SCFD2: variants seen among roughly 807,000 people sequenced by gnomAD.
The protein encoded by SCFD2 is sec1 family domain-containing protein 2.
Under a neutral mutation model 58.9 loss-of-function variants are expected in SCFD2, and 54 were observed. The ratio of observed to expected loss-of-function variants is 0.92; its 90% CI spans 0.74 to 1.15. The LOEUF (loss-of-function observed/expected upper bound fraction) is 1.15, where lower values mean the gene tolerates loss of function less well. Among genes scored for constraint, SCFD2 ranks in the 50% most tolerant of loss-of-function variants. SCFD2 has a pLI of 0.00. For synonymous variants in SCFD2, 321 were observed against 335.9 expected (o/e 0.96, Z 0.49); for missense variants, 805 against 836.6 (o/e 0.96, Z 0.47).
At chr4:53,340,895 G>A (rs1468068473) in intron 2 of SCFD2, among the ~76,000 whole-genome samples, 2 of 152,198 alleles carry the variant, frequency 1.3e-5, no homozygotes, top group African/African-American at 4.8e-5. Flanking sequence ...CTGCAGCTGA[G>A]GGTCCTGACT....
chr4:53,046,379 A>G (rs1204900164), intron 5 of SCFD2, among the ~76,000 whole-genome samples: 2 of 151,952 alleles, frequency 1.3e-5, no homozygotes, highest in Non-Finnish European at 2.9e-5. Flanking sequence ...ACACTCAGCT[A>G]ATTTCTGTAC....
chr4:53,159,664 T>C (rs1426269406), intron 4 of SCFD2, among the ~76,000 whole-genome samples: 1 of 152,124 alleles, frequency 6.6e-6, no homozygotes, highest in Non-Finnish European at 1.5e-5. Flanking sequence ...AGTTAAAACC[T>C]CCAGCAGAGG....
At chr4:53,262,388 T>A (rs945362947) in intron 4 of SCFD2, among the ~76,000 whole-genome samples, 1 of 152,234 alleles carries the variant, frequency 6.6e-6, no homozygotes, top group Non-Finnish European at 1.5e-5. Context: ...TTTTGGTGTA[T>A]CACAAAAATT....
intron 3 of SCFD2, among the ~76,000 whole-genome samples, chr4:53,292,661 G>C (rs539462142): frequency 6.6e-6 from 1 of 152,228 alleles, no homozygotes; most frequent in African/African-American, 2.4e-5. Flanking sequence ...CAAAGACCTA[G>C]AACCAGAAAT....
chr4:52,940,127 C>G (rs1720253448), intron 5 of SCFD2, among the ~76,000 whole-genome samples: 1 of 152,246 alleles, frequency 6.6e-6, no homozygotes, highest in African/African-American at 2.4e-5. Context: ...CAGAACTTTA[C>G]TATGCCTGAC....
At chr4:52,928,624 A>C (rs1462365147) in intron 5 of SCFD2, among the ~76,000 whole-genome samples, 1 of 152,140 alleles carries the variant, frequency 6.6e-6, no homozygotes, top group Non-Finnish European at 1.5e-5. Flanking sequence ...TGCTGATCCC[A>C]TGACTGTTGG....
rs577821765 is a variant in SCFD2, at chr4:53,139,448, C to T, written c.1561+5885G>A. Reference sequence around the variant, plus strand: ...TAGGAAGTGAGGAGTGTCTCTGCCCCGCCGCCACCCCGTCTGGGAGGTGAG... The same window carrying T: ...TAGGAAGTGAGGAGTGTCTCTGCCCTGCCGCCACCCCGTCTGGGAGGTGAG... On this transcript the variant is annotated intron_variant, in intron 5 of 8. Coordinates refer to ENST00000401642, the MANE Select transcript of SCFD2 (RefSeq NM_152540.4). Among the ~76,000 whole-genome samples the T allele has an allele frequency of 4.2e-3, 536 of 129,070 alleles. 6 individuals carry two copies. Among genetic ancestry groups the T allele is most frequent in the African/African-American group, 0.013 (506 of 39,546 alleles). 84.7% of individuals were successfully genotyped at this position (129,070 alleles called of 152,430 possible).
At chr4:52,971,019 G>A (rs533238921) in intron 5 of SCFD2, among the ~76,000 whole-genome samples, 29 of 152,256 alleles carry the variant, frequency 1.9e-4, no homozygotes, top group African/African-American at 6.3e-4. Context: ...CTATCTGTAC[G>A]TCACCATCAT....
chr4:52,904,821 C>G (rs560536911), intron 7 of SCFD2, among the ~76,000 whole-genome samples: 1 of 152,330 alleles, frequency 6.6e-6, no homozygotes, highest in Admixed American at 6.5e-5. Context: ...GGGACAAATT[C>G]TGGTGTCACT....
At chr4:52,875,291 T>C (rs1391037824) in intron 8 of SCFD2, among the ~76,000 whole-genome samples, 2 of 151,586 alleles carry the variant, frequency 1.3e-5, no homozygotes, top group Non-Finnish European at 2.9e-5. Context: ...CAGGACAGAT[T>C]TATCTCTGCA....
intron 5 of SCFD2, among the ~76,000 whole-genome samples, chr4:53,012,299 A>T (rs1233421516): frequency 6.6e-6 from 1 of 151,944 alleles, no homozygotes; most frequent in Non-Finnish European, 1.5e-5. Flanking sequence ...CAGAGGGGTA[A>T]ATTTGAAATA....
At chr4:53,178,680 TTCAG>T (rs1727431425) in intron 4 of SCFD2, among the ~76,000 whole-genome samples, 1 of 152,142 alleles carries the variant, frequency 6.6e-6, no homozygotes, top group Admixed American at 6.5e-5. Context: ...AGAAGAAGCC[TTCAG>T]ACTATCAAAC....
chr4:53,174,778 C>CAAG (rs1727279113), intron 4 of SCFD2, among the ~76,000 whole-genome samples: 1 of 152,176 alleles, frequency 6.6e-6, no homozygotes, highest in African/African-American at 2.4e-5. Context: ...TGGGAAACAT[C>CAAG]TGCTAATATG....
At chr4:53,206,650 A>G (rs1728415028) in intron 4 of SCFD2, among the ~76,000 whole-genome samples, 1 of 152,108 alleles carries the variant, frequency 6.6e-6, no homozygotes, top group Admixed American at 6.5e-5. Context: ...TACCCTATAC[A>G]TGTATCACTG....
At chr4:53,248,612 A>G (rs570525577) in intron 4 of SCFD2, among the ~76,000 whole-genome samples, 112 of 152,160 alleles carry the variant, frequency 7.4e-4, no homozygotes, top group African/African-American at 2.5e-3. Flanking sequence ...TGGGTCCCTG[A>G]CCCCTGACCC....
intron 4 of SCFD2, among the ~76,000 whole-genome samples, chr4:53,221,541 C>A (rs992004995): frequency 1.3e-5 from 2 of 152,144 alleles, no homozygotes; most frequent in Non-Finnish European, 2.9e-5. Context: ...ATGATGCCTC[C>A]CCATCTGTAA....
chr4:53,089,075 C>A (rs1184541075), intron 5 of SCFD2, among the ~76,000 whole-genome samples: 3 of 152,098 alleles, frequency 2.0e-5, no homozygotes, highest in African/African-American at 4.8e-5. Context: ...TCACCAGACA[C>A]CAAATCTGCT....
rs531056509 is a variant in SCFD2, at chr4:53,327,550, T to C, written c.1008-13787A>G. Among the ~76,000 whole-genome samples, 4 of 152,210 alleles carry C rather than the reference T, an allele frequency of 2.6e-5. 1 individual carries two copies. The East Asian group carries it at 7.7e-4, about 29-fold the overall frequency. On this transcript the variant is annotated intron_variant, in intron 2 of 8. Coordinates refer to ENST00000401642, the MANE Select transcript of SCFD2 (RefSeq NM_152540.4). ...CCAAAATATCAGAGCCTAAATGGTA[T>C]GGAGTCTCCATGCAGAGCATGGGGC...
intron 1 of SCFD2, among the ~76,000 whole-genome samples, chr4:53,356,830 C>T (rs1052910793): frequency 4.0e-5 from 6 of 150,364 alleles, no homozygotes; most frequent in East Asian, 2.0e-4. Context: ...TCCACCTCCT[C>T]GGTTCACGCC....
Sources: gnomAD v4.1 joint callset for allele counts (sites outside exome capture counted in the v4.1 genomes callset) on GRCh38, gnomAD v4.1.1 for gene constraint, MANE v1.5 for transcripts, NCBI Gene and HGNC (gene_info 2026-07-23, HGNC 2026-07-21) for gene names.